The following THBS4 variants were observed in gnomAD, a reference collection of about 807,000 sequenced individuals.
THBS4 encodes the protein thrombospondin-4.
THBS4 carries 90 observed loss-of-function variants against 115.7 expected under a neutral mutation model. That is an observed-to-expected ratio of 0.78 (90% CI 0.66 to 0.93). The LOEUF (loss-of-function observed/expected upper bound fraction) is 0.93. Ranked by LOEUF, THBS4 falls within the 40% of genes least tolerant of loss-of-function variation. The pLI is 0.00. For synonymous variants in THBS4, 460 were observed against 479.3 expected (o/e 0.96, Z 0.53); for missense variants, 1,087 against 1,232.7 (o/e 0.88, Z 1.77).
At chr5:80,070,553 A>G in intron 11 of THBS4, 90 bp from the exon 12 acceptor site, 2 of 1,417,454 alleles carry the variant, frequency 1.4e-6, no homozygotes, top group East Asian at 2.3e-5. Flanking sequence ...ACAGCCACCA[A>G]CAATAAAGCC....
At chr5:80,044,997 C>A (rs1431168592) in intron 2 of THBS4, among the ~76,000 whole-genome samples, 1 of 150,754 alleles carries the variant, frequency 6.6e-6, no homozygotes, top group East Asian at 1.9e-4. Flanking sequence ...ATCTCTGAAT[C>A]TCTCTTAGCC....
chr5:80,036,207 T>A, intron 1 of THBS4: 2 of 985,288 alleles, frequency 2.0e-6, no homozygotes, highest in Non-Finnish European at 2.4e-6. Flanking sequence ...AAACTGGTCT[T>A]TTTCAATGAA....
In THBS4 at chr5:80,080,579, CTTT is replaced by C. The variant is rs67048630; in HGVS notation, c.2684+525_2684+527del. Among the ~76,000 whole-genome samples the C allele has an allele frequency of 9.2e-3, 463 of 50,484 alleles. 4 individuals are homozygous for C. The highest frequency in any genetic ancestry group is 0.014 in the South Asian group (14 of 966). 33.1% of individuals were successfully genotyped at this position (50,484 alleles called of 152,430 possible). On this transcript the variant is annotated intron_variant, in intron 20 of 21. Coordinates refer to ENST00000350881, the MANE Select transcript of THBS4 (RefSeq NM_003248.6). The stretch of plus-strand genomic sequence containing the variant: ...AACTGCATGAGAGCAGCGCTTGTAT[CTTT>C]TTTTTTTTTTTTTTTTTTTTTTGGA...
At chr5:80,059,327 C>CAAAA in intron 5 of THBS4, 113 bp from the exon 6 acceptor site, 41 of 775,900 alleles carry the variant, frequency 5.3e-5, no homozygotes, top group Admixed American at 6.5e-5. Flanking sequence ...GAGACTGTCT[C>CAAAA]AAAAAAAAAA....
At chr5:80,002,231 A>G (rs1243271612) in intron 2 of THBS4, among the ~76,000 whole-genome samples, 1 of 152,126 alleles carries the variant, frequency 6.6e-6, no homozygotes, top group Admixed American at 6.6e-5. Flanking sequence ...TCTAACCACT[A>G]CCTTCAGTAG....
Position 80,042,858 on chromosome 5 carries a change from C to T in THBS4, c.292+2578C>T, listed in dbSNP as rs554867411. Among the ~76,000 whole-genome samples the T allele has an allele frequency of 3.0e-4, 45 of 151,988 alleles. No homozygotes were observed. The South Asian group carries it at 8.5e-3, about 29-fold the overall frequency. On this transcript the variant is annotated intron_variant, in intron 2 of 21. Coordinates refer to ENST00000350881, the MANE Select transcript of THBS4 (RefSeq NM_003248.6). Reference sequence around the variant, plus strand: ...GTATGTGCCTATAGTCACAGCTACTCGGGAGGCTGAGGCAGGAGAATCACT... The same window carrying T: ...GTATGTGCCTATAGTCACAGCTACTTGGGAGGCTGAGGCAGGAGAATCACT...
chr5:80,079,134 C>T lies in THBS4; in HGVS notation c.2387C>T (p.Ala796Val), dbSNP rs779097468. The T allele has an allele frequency of 1.7e-5, 27 of 1,614,072 alleles. No homozygotes were observed. Among genetic ancestry groups the T allele is most frequent in the Non-Finnish European group, 2.2e-5 (26 of 1,180,028 alleles). ...HVNTQTDDDY[A>V]GFIFGYQDSS... ...AATACCCAGACAGATGATGACTATG[C>T]AGGCTTTATCTTTGGCTACCAAGAT... Residue 796 changes from alanine to valine, a missense_variant, in exon 19 of 22, where the codon GCA becomes GTA. Around this residue, in one of 3 missense-constraint regions of THBS4, gnomAD observed 979 missense variants for 1,103.7 expected, o/e 0.89. Transcript: ENST00000350881.
chr5:80,070,294 T>C lies in THBS4; in HGVS notation c.1348-12T>C, dbSNP rs370692626. 4.3e-4 allele frequency: 671 copies of C among 1,555,780 alleles called. 3 individuals carry two copies. The highest frequency in any genetic ancestry group is 1.8e-3 in the Admixed American group (88 of 49,740). On this transcript the variant is annotated splice_polypyrimidine_tract_variant and intron_variant, in intron 10 of 21. Transcript: ENST00000350881. ...CAGCTTCCCAGGCCTCTGATGGGCTTTCCCTTTACAGTGTGGAGTCGGTTG... is the reference window on the plus strand; with the variant it reads ...CAGCTTCCCAGGCCTCTGATGGGCTCTCCCTTTACAGTGTGGAGTCGGTTG...
In THBS4 at chr5:80,073,303, AC is replaced by A; in HGVS notation, c.1869del (p.Ser624ProfsTer104). The A allele has an allele frequency of 6.2e-7, 1 of 1,613,254 alleles. No individual in the cohort carries two copies. Among genetic ancestry groups the A allele is most frequent in the Non-Finnish European group, 8.5e-7 (1 of 1,179,850 alleles). ...QSDVDNDLVG[D>X]SCDTNQDSDG... ...GATGTGGATAATGATCTGGTTGGGG[AC>A]TCCTGTGACACCAATCAGGACAGGT... is the stretch of plus-strand genomic sequence containing the variant. On this transcript the variant is annotated frameshift_variant, in exon 15 of 22. Coordinates refer to ENST00000350881, the MANE Select transcript of THBS4 (RefSeq NM_003248.6). LOFTEE classifies it high-confidence loss of function.
At chr5:80,072,163 G>A in intron 13 of THBS4, 115 bp from the exon 14 acceptor site, 1 of 860,140 alleles carries the variant, frequency 1.2e-6, no homozygotes, top group Non-Finnish European at 1.9e-6. Flanking sequence ...GAAAAGGGTA[G>A]TCTCTGTGTG....
At chr5:80,053,816 G>A (rs527505655) in intron 2 of THBS4, among the ~76,000 whole-genome samples, 5 of 152,052 alleles carry the variant, frequency 3.3e-5, no homozygotes, top group South Asian at 4.2e-4. Context: ...TGCCCACCTC[G>A]GCCTCCCAAA....
At chr5:80,011,274 A>T (rs887011657) in intron 2 of THBS4, among the ~76,000 whole-genome samples, 2 of 151,884 alleles carry the variant, frequency 1.3e-5, no homozygotes, top group Non-Finnish European at 2.9e-5. Context: ...TTCTTTTGTA[A>T]ATTACCCAGT....
In THBS4 at chr5:79,996,932, T is replaced by C. The variant is rs182744939; in HGVS notation, n.82-1400T>C. ...AAAGTGGTAAAACCTAATATACCAA[T>C]AGACTGTGATGTTAAATATGTATAT... On this transcript the variant is annotated intron_variant and non_coding_transcript_variant, in intron 1 of 3. Transcript: ENST00000510218. Among the ~76,000 whole-genome samples the C allele has an allele frequency of 1.4e-3, 216 of 152,064 alleles. 4 individuals are homozygous for C. Among genetic ancestry groups the C allele is most frequent in the Admixed American group, 0.01 (160 of 15,266 alleles).
Position 80,079,982 on chromosome 5 carries a change from C to G in THBS4, c.2589C>G (p.Val863=), listed in dbSNP as rs1260153581. Residue 863 remains valine, a synonymous_variant, in exon 20 of 22, where the codon GTC becomes GTG. Coordinates refer to ENST00000350881, the MANE Select transcript of THBS4 (RefSeq NM_003248.6). ...ACACGGGGGACACCAGTGACCAGGT[C>G]AGGCTGCTGTGGAAGGACTCCAGGA... The part of the protein sequence containing the change: ...LWHTGDTSDQ[V]RLLWKDSRNV... 8.7e-6 allele frequency: 14 copies of G among 1,613,986 alleles called. No individual in the cohort carries two copies. The African/African-American group carries it at 1.7e-4, about 20-fold the overall frequency.
intron 1 of THBS4, among the ~76,000 whole-genome samples, chr5:79,996,745 A>C (rs1056541185): frequency 6.6e-6 from 1 of 152,196 alleles, no homozygotes; most frequent in Non-Finnish European, 1.5e-5. Flanking sequence ...ATGAAACCAA[A>C]ATGAGAATAT....
intron 2 of THBS4, among the ~76,000 whole-genome samples, chr5:80,050,567 G>T (rs1035230609): frequency 3.3e-5 from 5 of 152,194 alleles, no homozygotes; most frequent in Non-Finnish European, 7.3e-5. Flanking sequence ...CAATTTGGAG[G>T]TATTTGGGGA....
At chr5:80,067,117 TACTA>T (rs1371686478) in intron 9 of THBS4, 2 of 151,966 alleles carry the variant, frequency 1.3e-5, no homozygotes, top group Non-Finnish European at 2.9e-5. Context: ...TAGTTAATAA[TACTA>T]TATTATATAT....
chr5:80,022,363 G>A (rs1832395087), intron 2 of THBS4, among the ~76,000 whole-genome samples: 1 of 152,140 alleles, frequency 6.6e-6, no homozygotes, highest in Non-Finnish European at 1.5e-5. Flanking sequence ...TAGAAACAAT[G>A]CAACAGCATT....
intron 2 of THBS4, among the ~76,000 whole-genome samples, chr5:80,043,866 A>C (rs575715065): frequency 6.6e-6 from 1 of 152,160 alleles, no homozygotes; most frequent in African/African-American, 2.4e-5. Context: ...TAATGTACCC[A>C]TGTCTCAGCA....
Sources: allele counts gnomAD v4.1 joint callset (sites outside exome capture counted in the v4.1 genomes callset), GRCh38; gene constraint gnomAD v4.1.1; regional missense constraint gnomAD v4.1.1; transcripts MANE v1.5; gene names NCBI Gene and HGNC (gene_info 2026-07-23, HGNC 2026-07-21).